The following MPP7 variants were observed in gnomAD, a reference collection of about 807,000 sequenced individuals.
MPP7 encodes the protein MAGUK p55 subfamily member 7.
MPP7 carries 60 observed loss-of-function variants against 76.5 expected under a neutral mutation model. The observed-to-expected ratio is 0.78, with a 90% CI of 0.64 to 0.97. MPP7 has a LOEUF of 0.97. Among genes scored for constraint, MPP7 ranks in the 50% least tolerant of loss-of-function variants. MPP7 has a pLI of 0.00. For synonymous variants in MPP7, 237 were observed against 244.5 expected (o/e 0.97, Z 0.29); for missense variants, 641 against 694.0 (o/e 0.92, Z 0.86).
chr10:28,293,685 C>G (rs1840974893), intron 1 of MPP7, among the ~76,000 whole-genome samples: 1 of 152,174 alleles, frequency 6.6e-6, no homozygotes, highest in Admixed American at 6.5e-5. Context: ...CGGAGCGGGG[C>G]AGCTCCGCGT....
intron 3 of MPP7, among the ~76,000 whole-genome samples, chr10:28,159,385 A>C (rs557110742): frequency 6.6e-6 from 1 of 152,360 alleles, no homozygotes; most frequent in South Asian, 2.1e-4. Flanking sequence ...AATTTTTAAA[A>C]ATTTATTCAC....
chr10:28,261,873 C>T (rs949602560), intron 1 of MPP7, among the ~76,000 whole-genome samples: 9 of 151,656 alleles, frequency 5.9e-5, no homozygotes, highest in African/African-American at 1.7e-4. Flanking sequence ...ATAACAAGAC[C>T]CCATTATGGC....
intron 2 of MPP7, among the ~76,000 whole-genome samples, chr10:28,310,608 T>G (rs1269203235): frequency 2.0e-5 from 3 of 152,228 alleles, no homozygotes; most frequent in Admixed American, 1.3e-4. Context: ...ATACCATTAA[T>G]TTGCAACAGT....
chr10:28,174,851 T>C (rs993092276), intron 3 of MPP7, among the ~76,000 whole-genome samples: 6 of 152,216 alleles, frequency 3.9e-5, no homozygotes, highest in African/African-American at 1.4e-4. Flanking sequence ...GACAGTTGAA[T>C]AGATAAATTG....
At chr10:28,077,144 G>A (rs867684619) in intron 12 of MPP7, among the ~76,000 whole-genome samples, 48 of 151,308 alleles carry the variant, frequency 3.2e-4, no homozygotes, top group Middle Eastern at 3.4e-3. Flanking sequence ...GAATTAGTGG[G>A]AAAAAATATG....
chr10:28,117,786 TTG>T (rs1470846005), intron 11 of MPP7, among the ~76,000 whole-genome samples: 5 of 152,114 alleles, frequency 3.3e-5, no homozygotes, highest in African/African-American at 1.2e-4. Context: ...CAGAAATATA[TTG>T]TCTCTCTGAA....
intron 3 of MPP7, among the ~76,000 whole-genome samples, chr10:28,162,982 A>C (rs1420834976): frequency 6.6e-6 from 1 of 152,080 alleles, no homozygotes; most frequent in African/African-American, 2.4e-5. Flanking sequence ...GACCCAACTG[A>C]ATAGTCCAGG....
chr10:28,283,197 G>C (rs901266049), intron 1 of MPP7, among the ~76,000 whole-genome samples: 1 of 151,888 alleles, frequency 6.6e-6, no homozygotes, highest in African/African-American at 2.4e-5. Context: ...TCCATAAAGG[G>C]GAGGAAATTT....
intron 12 of MPP7, among the ~76,000 whole-genome samples, chr10:28,086,102 A>T (rs1852995689): frequency 6.6e-6 from 1 of 152,152 alleles, no homozygotes. Flanking sequence ...GAACACATGG[A>T]CACAGAGAGG....
At chr10:28,094,125 C>T (rs1853450595) in intron 11 of MPP7, among the ~76,000 whole-genome samples, 1 of 152,190 alleles carries the variant, frequency 6.6e-6, no homozygotes, top group Non-Finnish European at 1.5e-5. Context: ...TGAGTCTGCT[C>T]CCCGCGGGGC....
chr10:28,224,701 T>C (rs1838631476), intron 2 of MPP7, among the ~76,000 whole-genome samples: 2 of 152,158 alleles, frequency 1.3e-5, no homozygotes. Context: ...CCATTACTAT[T>C]AGATAACAAA....
At chr10:28,065,282 C>T (rs1358806775) in intron 13 of MPP7, among the ~76,000 whole-genome samples, 2 of 152,132 alleles carry the variant, frequency 1.3e-5, no homozygotes, top group Non-Finnish European at 2.9e-5. Flanking sequence ...ACTTTTAGAA[C>T]CACATCAAGG....
chr10:28,294,025 G>C (rs1007388952), intron 1 of MPP7, among the ~76,000 whole-genome samples: 1 of 152,160 alleles, frequency 6.6e-6, no homozygotes, highest in Non-Finnish European at 1.5e-5. Flanking sequence ...TTGCGTTCAA[G>C]GGCTGGGCGT....
intron 2 of MPP7, among the ~76,000 whole-genome samples, chr10:28,207,781 C>T (rs1012559059): frequency 6.6e-6 from 1 of 151,930 alleles, no homozygotes; most frequent in Non-Finnish European, 1.5e-5. Context: ...AAAAGGAAAA[C>T]AGAACCTGCA....
chr10:28,115,088 GTTTGT>G (rs1834622422), intron 11 of MPP7, among the ~76,000 whole-genome samples: 2 of 151,628 alleles, frequency 1.3e-5, no homozygotes, highest in South Asian at 4.2e-4. Context: ...TTGTTTGTTT[GTTTGT>G]TTTGTTTTTT....
chr10:28,168,490 G>T (rs1836564518), intron 3 of MPP7, among the ~76,000 whole-genome samples: 2 of 151,830 alleles, frequency 1.3e-5, no homozygotes, highest in Admixed American at 1.3e-4. Flanking sequence ...AATTTTTATG[G>T]TAAGTCGAAA....
intron 1 of MPP7, among the ~76,000 whole-genome samples, chr10:28,269,641 C>T (rs762353097): frequency 2.6e-5 from 4 of 151,598 alleles, no homozygotes; most frequent in African/African-American, 7.3e-5. Context: ...ATCCTCCCAG[C>T]TCAGTCTCCC....
At chr10:28,255,865 T>C (rs75147502) in intron 1 of MPP7, among the ~76,000 whole-genome samples, 3,721 of 152,322 alleles carry the variant, frequency 0.024, 83 homozygotes, top group Middle Eastern at 0.082. Context: ...TACTCATTAG[T>C]GGTATCCTAA....
chr10:28,237,825 T>C (rs571761593), intron 2 of MPP7, among the ~76,000 whole-genome samples: 105 of 152,196 alleles, frequency 6.9e-4, no homozygotes, highest in Non-Finnish European at 1.4e-3. Context: ...CATTTTGTTT[T>C]AGTAGTTCTT....
Sources: gnomAD v4.1 joint callset for allele counts (sites outside exome capture counted in the v4.1 genomes callset) on GRCh38, gnomAD v4.1.1 for gene constraint, MANE v1.5 for transcripts, NCBI Gene and HGNC (gene_info 2026-07-23, HGNC 2026-07-21) for gene names.